Variants in WDR27 observed in about 807,000 individuals in gnomAD.
The protein encoded by WDR27 is WD repeat-containing protein 27.
In WDR27, 100 loss-of-function variants were observed where a neutral mutation model predicts 114.4. The observed-to-expected ratio is 0.87, with a 90% confidence interval of 0.74 to 1.03. WDR27 has a LOEUF of 1.03. WDR27 is among the 50% of genes least tolerant of loss of function. The pLI, the probability that WDR27 is intolerant of heterozygous loss-of-function variation, is 0.00. For synonymous variants in WDR27, 449 were observed against 423.1 expected (o/e 1.06, Z -0.75); for missense variants, 1,129 against 1,092.9 (o/e 1.03, Z -0.47).
At chr6:169,618,163 T>A (rs1198964640) in intron 21 of WDR27, among the ~76,000 whole-genome samples, 1 of 152,132 alleles carries the variant, frequency 6.6e-6, no homozygotes, top group African/African-American at 2.4e-5. Flanking sequence ...CTAAAACTAA[T>A]AAAGCAAAAT....
At position 169,684,147 on chromosome 6, in the gene WDR27, C is replaced by T. The variant is rs542598981; in HGVS notation, c.189+4670G>A. On this transcript the variant is annotated intron_variant, in intron 2 of 25. Transcript: ENST00000448612. The surrounding 1 kb of genome is among the most constrained non-coding windows in gnomAD (Gnocchi z 4.3). ...GGCCCTGCACAACAGAGAAACCAAC[C>T]CTCGCCACTGCACTTCCAGCCAGAG... 1.3e-5 allele frequency among the ~76,000 whole-genome samples: 2 copies of T among 152,200 alleles called. No homozygotes were observed. Among genetic ancestry groups the T allele is most frequent in the East Asian group, 1.9e-4 (1 of 5,154 alleles).
At chr6:169,429,424 T>C in the WDR27 span, among the ~76,000 whole-genome samples, 3 of 135,040 alleles carry the variant, frequency 2.2e-5, no homozygotes, top group African/African-American at 8.0e-5. Context: ...GCAACAAGAC[T>C]GAGTCCTTTT....
At chr6:169,610,115 A>C (rs1810157943) in intron 22 of WDR27, among the ~76,000 whole-genome samples, 1 of 152,190 alleles carries the variant, frequency 6.6e-6, no homozygotes, top group South Asian at 2.1e-4. Flanking sequence ...TTTTGGGCAA[A>C]GCCATTCAAC....
At chr6:169,642,790 C>T (rs1451575946) in intron 17 of WDR27, among the ~76,000 whole-genome samples, 1 of 152,244 alleles carries the variant, frequency 6.6e-6, no homozygotes, top group Non-Finnish European at 1.5e-5. Flanking sequence ...CTGTCCCCAA[C>T]TCAGCCCCAC....
chr6:169,520,105 C>G (rs1394075982), intron 25 of WDR27, among the ~76,000 whole-genome samples: 2 of 152,120 alleles, frequency 1.3e-5, no homozygotes, highest in Non-Finnish European at 2.9e-5. Context: ...CCATCCCACC[C>G]TAGAAATTTT....
At chr6:169,450,623 T>C in the WDR27 span, among the ~76,000 whole-genome samples, 1 of 152,158 alleles carries the variant, frequency 6.6e-6, no homozygotes, top group Non-Finnish European at 1.5e-5. Flanking sequence ...CCACAGAACG[T>C]CTCTGCCCCA....
chr6:169,558,372 T>C (rs1799199957), intron 25 of WDR27: 1 of 152,114 alleles, frequency 6.6e-6, no homozygotes, highest in Non-Finnish European at 1.5e-5. Flanking sequence ...AATTCATGCT[T>C]AGAATATCAT....
intron 1 of WDR27, among the ~76,000 whole-genome samples, chr6:169,701,339 A>T (rs1326619486): frequency 6.6e-6 from 1 of 152,050 alleles, no homozygotes; most frequent in African/African-American, 2.4e-5. Context: ...AGTTAGGAAA[A>T]CCTAGCCTGG....
chr6:169,605,124 A>AAAAAAAAAAAAAAAAAAAT (rs1808859384), intron 22 of WDR27, among the ~76,000 whole-genome samples: 1 of 143,726 alleles, frequency 7.0e-6, no homozygotes, highest in East Asian at 2.0e-4. Context: ...AAAAAAAAAA[A>AAAAAAAAAAAAAAAAAAAT]GTTTTTTTTT....
chr6:169,570,979 T>A (rs1412713970), intron 25 of WDR27, among the ~76,000 whole-genome samples: 1 of 152,226 alleles, frequency 6.6e-6, no homozygotes, highest in Non-Finnish European at 1.5e-5. Context: ...CTGCCCGGTA[T>A]TCTCTGTATA....
chr6:169,527,673 A>G (rs899036238), intron 25 of WDR27, among the ~76,000 whole-genome samples: 2 of 152,182 alleles, frequency 1.3e-5, no homozygotes, highest in African/African-American at 2.4e-5. Flanking sequence ...ACAATAAAAT[A>G]TTTACAGATG....
At chr6:169,497,243 T>A (rs1790522958) in intron 25 of WDR27, among the ~76,000 whole-genome samples, 1 of 152,092 alleles carries the variant, frequency 6.6e-6, no homozygotes, top group Non-Finnish European at 1.5e-5. Context: ...GTTGGAACTT[T>A]ACCTAAAACC....
chr6:169,643,735 A>G lies in WDR27; in HGVS notation c.1709T>C (p.Phe570Ser), dbSNP rs201488884. 1.2e-6 allele frequency: 2 copies of G among 1,613,806 alleles called. No individual in the cohort carries two copies. The highest frequency in any genetic ancestry group is 1.3e-5 in the African/African-American group (1 of 75,074). The stretch of plus-strand genomic sequence containing the variant: ...AGGTGTCCCAGTCAGGCTGGCATCA[A>G]AAACGAGTAACAGATGGTTGGCCAA... The part of the protein sequence containing the change: ...CGLANHLLLV[F>S]DASLTGTPAV... Residue 570 changes from phenylalanine to serine, a missense_variant, in exon 17 of 26, where the codon TTT becomes TCT. Physicochemically the swap from Phe to Ser is radical, Grantham distance 155. Transcript: ENST00000448612.
downstream of WDR27, chr6:169,457,084 G>A (rs536216753): frequency 8.8e-5 from 14 of 158,830 alleles, no homozygotes; most frequent in Non-Finnish European, 1.5e-4. Flanking sequence ...GGCTCACCAC[G>A]CAGAACCCAC....
rs1817686350 is a variant in WDR27, at chr6:169,636,501, T to C, written c.1873A>G (p.Lys625Glu). The C allele has an allele frequency of 6.2e-7, 1 of 1,600,630 alleles. No individual in the cohort carries two copies. The highest frequency in any genetic ancestry group is 8.5e-7 in the Non-Finnish European group (1 of 1,174,266). The change falls in exon 19 of 26, where the codon AAA becomes GAA. Residue 625 changes from lysine to glutamate, a missense_variant. Lys to Glu is a moderately conservative substitution (Grantham distance 56, BLOSUM62 1). Coordinates refer to ENST00000448612, the MANE Select transcript of WDR27 (RefSeq NM_182552.5). ...TGTATAGGTTTAGAAAACATGTCTT[T>C]GCCCTGTAATGCAAATCAGTAATTA... ...RGAELALLLG[K>E]DMFSKPIQSA...
chr6:169,491,989 T>C (rs1325021832), intron 25 of WDR27, among the ~76,000 whole-genome samples: 1 of 152,136 alleles, frequency 6.6e-6, no homozygotes, highest in Non-Finnish European at 1.5e-5. Flanking sequence ...AAAACACATA[T>C]TGATATTGAA....
chr6:169,493,813 AT>A (rs1790077220), intron 25 of WDR27, among the ~76,000 whole-genome samples: 1 of 152,190 alleles, frequency 6.6e-6, no homozygotes, highest in Admixed American at 6.5e-5. Flanking sequence ...TATGACATAC[AT>A]ATGTAAGTTT....
chr6:169,618,627 C>CAAA lies in WDR27; in HGVS notation c.2224-4974_2224-4972dup, dbSNP rs560399990. Among the ~76,000 whole-genome samples the CAAA allele has an allele frequency of 7.7e-3, 694 of 90,512 alleles. 41 individuals are homozygous for CAAA. The highest frequency in any genetic ancestry group is 0.028 in the East Asian group (71 of 2,522). The allele number at this position is 90,512 out of a possible 152,430, so 59.4% of individuals were successfully genotyped here. A position where few individuals can be genotyped will look rare whatever the true frequency, so the allele number is the denominator to read the frequency against. ...TAATGGTGGTGCACTTGGATGACTG[C>CAAA]AAAAAAAAAAAAAAAAAAAAAACAT... On this transcript the variant is annotated intron_variant, in intron 21 of 25. Transcript: ENST00000448612.
Position 169,660,530 on chromosome 6 carries a change from T to C in WDR27, c.1129+133A>G. On this transcript the variant is annotated intron_variant, in intron 10 of 25. Transcript: ENST00000448612. ...AGCACAGAGGTGCTCACGTGCTCAA[T>C]GCTGAGTTGTGACTGAAGCATCTCA... is the stretch of plus-strand genomic sequence containing the variant. 4 of 749,666 alleles carry C rather than the reference T, an allele frequency of 5.3e-6. No homozygotes were observed. The South Asian group carries it at 6.5e-5, about 12-fold the overall frequency. 46.4% of individuals were successfully genotyped at this position (749,666 alleles called of 1,614,324 possible).
Sources: allele counts gnomAD v4.1 joint callset (sites outside exome capture counted in the v4.1 genomes callset), GRCh38; gene constraint gnomAD v4.1.1; non-coding constraint Gnocchi (gnomAD v3.1); transcripts MANE v1.5; gene names NCBI Gene and HGNC (gene_info 2026-07-23, HGNC 2026-07-21).